CSMD3: variants seen among roughly 807,000 people sequenced by gnomAD.
The protein encoded by CSMD3 is CUB and Sushi multiple domains 3.
CSMD3 carries 177 observed loss-of-function variants against 435.2 expected under a neutral mutation model. The ratio of observed to expected loss-of-function variants is 0.41; its 90% CI spans 0.36 to 0.46. The LOEUF (loss-of-function observed/expected upper bound fraction) is 0.46. Ranked by LOEUF, CSMD3 falls within the 20% of genes least tolerant of loss-of-function variation. The pLI is 0.34. For synonymous variants in CSMD3, 1,656 were observed against 1,520.5 expected, an observed-to-expected ratio of 1.09 and a Z score of -2.07; for missense variants, 4,265 against 4,504.6, an observed-to-expected ratio of 0.95 and a Z score of 1.52.
At chr8:112,385,072 G>T (rs1829812636) in intron 36 of CSMD3, among the ~76,000 whole-genome samples, 1 of 152,080 alleles carries the variant, frequency 6.6e-6, no homozygotes, top group Non-Finnish European at 1.5e-5. Context: ...AGCTACAGTG[G>T]GGGGTATTTA....
chr8:113,110,147 A>G (rs1280702266), intron 4 of CSMD3, among the ~76,000 whole-genome samples: 1 of 152,122 alleles, frequency 6.6e-6, no homozygotes, highest in Non-Finnish European at 1.5e-5. Flanking sequence ...CACCAGGCTG[A>G]TCCATATTAA....
intron 1 of CSMD3, among the ~76,000 whole-genome samples, chr8:113,391,558 T>C (rs1381961906): frequency 6.6e-6 from 1 of 152,030 alleles, no homozygotes; most frequent in Non-Finnish European, 1.5e-5. Flanking sequence ...ATGTTTTAAT[T>C]AGTAAATAGA....
At chr8:113,260,008 C>T (rs536074539) in intron 3 of CSMD3, among the ~76,000 whole-genome samples, 1 of 152,182 alleles carries the variant, frequency 6.6e-6, no homozygotes, top group Admixed American at 6.5e-5. Context: ...TCAGGGATTT[C>T]CTCCTTTACT....
Position 112,645,120 on chromosome 8 carries a change from G to A in CSMD3, c.3299C>T (p.Thr1100Ile), listed in dbSNP as rs763376994. The A allele has an allele frequency of 3.2e-6, 5 of 1,542,798 alleles. No homozygotes were observed. The highest frequency in any genetic ancestry group is 4.5e-6 in the Non-Finnish European group (5 of 1,115,046). Residue 1100 changes from threonine to isoleucine, a missense_variant, in exon 20 of 71, where the codon ACC becomes ATC. By Grantham distance (89) the Thr-to-Ile change is moderately conservative. This residue lies in a region of CSMD3 where 3,255 missense variants were observed against 3,380.2 expected (regional missense o/e 0.96). Transcript: ENST00000297405. The part of the protein sequence containing the change: ...SLNCTWTVDV[T>I]HGKGVQFNFH... ...ATGAGGCAAATTACCTTTTCCATGGGTTACATCAACAGTCCATGTACAATT... is the reference window on the plus strand; with the variant it reads ...ATGAGGCAAATTACCTTTTCCATGGATTACATCAACAGTCCATGTACAATT...
chr8:112,389,344 A>G (rs1830219534), intron 36 of CSMD3, among the ~76,000 whole-genome samples: 1 of 152,208 alleles, frequency 6.6e-6, no homozygotes, highest in Non-Finnish European at 1.5e-5. Flanking sequence ...AAGGTATCAT[A>G]TCATTTCAGA....
intron 32 of CSMD3, among the ~76,000 whole-genome samples, chr8:112,468,882 A>T (rs570907160): frequency 6.6e-6 from 1 of 152,222 alleles, no homozygotes; most frequent in African/African-American, 2.4e-5. Context: ...TAATAAAACA[A>T]GTAGAATCCT....
intron 19 of CSMD3, among the ~76,000 whole-genome samples, chr8:112,648,748 T>C (rs1218227300): frequency 6.6e-6 from 1 of 152,194 alleles, no homozygotes; most frequent in Non-Finnish European, 1.5e-5. Flanking sequence ...CTTATAATAT[T>C]GCCTCCATAC....
intron 7 of CSMD3, among the ~76,000 whole-genome samples, chr8:112,970,395 C>CAAAAAAAAA (rs11284034): frequency 3.7e-5 from 3 of 82,188 alleles, no homozygotes; most frequent in African/African-American, 9.5e-5. Flanking sequence ...GACTCCCTCT[C>CAAAAAAAAA]AAAAAAAAAA....
intron 53 of CSMD3, among the ~76,000 whole-genome samples, chr8:112,300,692 A>T (rs1316916898): frequency 6.6e-6 from 1 of 152,144 alleles, no homozygotes; most frequent in Non-Finnish European, 1.5e-5. Context: ...CCCTGTGTAT[A>T]TTCAAATATG....
chr8:112,377,665 A>G (rs777298442), intron 38 of CSMD3, among the ~76,000 whole-genome samples: 2 of 152,156 alleles, frequency 1.3e-5, no homozygotes, highest in Non-Finnish European at 2.9e-5. Context: ...AGAGGAATTT[A>G]TTCCTGGGAT....
chr8:112,449,511 C>T (rs547680218), intron 32 of CSMD3, among the ~76,000 whole-genome samples: 6 of 152,146 alleles, frequency 3.9e-5, no homozygotes, highest in South Asian at 2.1e-4. Flanking sequence ...GAATATGCGC[C>T]GAGTGCTATG....
At chr8:112,880,121 T>C (rs2081406511) in intron 10 of CSMD3, among the ~76,000 whole-genome samples, 1 of 152,110 alleles carries the variant, frequency 6.6e-6, no homozygotes, top group African/African-American at 2.4e-5. Flanking sequence ...AAGTTAACAA[T>C]TTAATGCTTA....
intron 5 of CSMD3, among the ~76,000 whole-genome samples, chr8:113,043,820 A>C (rs1030378628): frequency 6.6e-6 from 1 of 152,090 alleles, no homozygotes; most frequent in Non-Finnish European, 1.5e-5. Context: ...TTTGGAAAAA[A>C]AAATGAAGAA....
intron 28 of CSMD3, among the ~76,000 whole-genome samples, chr8:112,508,880 C>A (rs935346570): frequency 1.3e-5 from 2 of 151,976 alleles, no homozygotes; most frequent in African/African-American, 4.8e-5. Context: ...CTGTATGTAC[C>A]TATGGGACAG....
chr8:113,064,358 G>T lies in CSMD3; in HGVS notation c.917+34398C>A, dbSNP rs10092637. On this transcript the variant is annotated intron_variant, in intron 5 of 70. Coordinates refer to ENST00000297405, the MANE Select transcript of CSMD3 (RefSeq NM_198123.2). ...TTTGTCCATTTCATTAAAATATATAGAGAGAGATATTGTCTTTTCTATGTT... is the reference window on the plus strand; with the variant it reads ...TTTGTCCATTTCATTAAAATATATATAGAGAGATATTGTCTTTTCTATGTT... Among the ~76,000 whole-genome samples, 489 of 152,050 alleles carry T rather than the reference G, an allele frequency of 3.2e-3. 2 individuals carry two copies. The highest frequency in any genetic ancestry group is 0.017 in the South Asian group (80 of 4,822).
chr8:113,106,895 G>A (rs1024937632), intron 4 of CSMD3, among the ~76,000 whole-genome samples: 1 of 150,516 alleles, frequency 6.6e-6, no homozygotes, highest in East Asian at 2.0e-4. Flanking sequence ...ACTCACATGT[G>A]TTCACCCATT....
chr8:113,038,558 A>C (rs955608012), intron 5 of CSMD3, among the ~76,000 whole-genome samples: 1 of 152,214 alleles, frequency 6.6e-6, no homozygotes, highest in Admixed American at 6.5e-5. Flanking sequence ...CAAGGGGTAC[A>C]TGGCCTAGCA....
chr8:113,252,218 A>G (rs890226002), intron 3 of CSMD3, among the ~76,000 whole-genome samples: 21 of 151,852 alleles, frequency 1.4e-4, no homozygotes, highest in African/African-American at 5.1e-4. Context: ...ATAATCTCCA[A>G]TTTCTCCCTG....
intron 3 of CSMD3, among the ~76,000 whole-genome samples, chr8:113,248,391 A>T (rs201615909): frequency 1.3e-5 from 2 of 148,410 alleles, no homozygotes; most frequent in East Asian, 3.9e-4. Context: ...TATAATATAC[A>T]CTATAGAGAT....
Sources: gnomAD v4.1 joint callset for allele counts (sites outside exome capture counted in the v4.1 genomes callset) on GRCh38, gnomAD v4.1.1 for gene constraint, gnomAD v4.1.1 regional missense constraint, MANE v1.5 for transcripts, NCBI Gene and HGNC (gene_info 2026-07-23, HGNC 2026-07-21) for gene names.